Variants in HSPG2 observed in about 807,000 individuals in gnomAD.
HSPG2 encodes basement membrane-specific heparan sulfate proteoglycan core protein.
HSPG2 carries 278 observed loss-of-function variants against 526.6 expected under a neutral mutation model. The ratio of observed to expected loss-of-function variants is 0.53; its 90% confidence interval spans 0.48 to 0.58. The LOEUF (loss-of-function observed/expected upper bound fraction) is 0.58. Ranked by LOEUF, HSPG2 falls within the 20% of genes least tolerant of loss-of-function variation. The pLI is 0.00. For missense variants in HSPG2, 5,354 were observed against 6,099.5 expected, an observed-to-expected ratio of 0.88 and a Z score of 4.07; for synonymous variants, 2,465 against 2,555.4, an observed-to-expected ratio of 0.96 and a Z score of 1.07.
chr1:21,862,583 C>CAAAAAA (rs1164705115), intron 37 of HSPG2, among the ~76,000 whole-genome samples: 1 of 9,294 alleles, frequency 1.1e-4, no homozygotes. Context: ...GACTCCATCT[C>CAAAAAA]AAAAAAAAAA....
At chr1:21,867,571 A>T (rs1040769956) in intron 33 of HSPG2, among the ~76,000 whole-genome samples, 1 of 152,164 alleles carries the variant, frequency 6.6e-6, no homozygotes. Flanking sequence ...AATATAGGAC[A>T]CAAATGGTGA....
Position 21,858,302 on chromosome 1 carries a change from G to GC in HSPG2, c.5294-918dup. On this transcript the variant is annotated intron_variant, in intron 42 of 96. Transcript: ENST00000374695. The surrounding 1 kb of genome is among the most constrained non-coding windows in gnomAD (Gnocchi z 4.2). Reference sequence around the variant, plus strand: ...CCCTTTTCCCTCTGATTCCCATGATGCCCCCTGTCTCTTCCTGCCTCATGG... The same window carrying GC: ...CCCTTTTCCCTCTGATTCCCATGATGCCCCCCTGTCTCTTCCTGCCTCATGG... Among the ~76,000 whole-genome samples, 1 of 152,238 alleles carries GC rather than the reference G, an allele frequency of 6.6e-6. No individual in the cohort carries two copies. Among genetic ancestry groups the GC allele is most frequent in the Admixed American group, 6.5e-5 (1 of 15,302 alleles).
chr1:21,929,220 A>G (rs1463271217), intron 1 of HSPG2, among the ~76,000 whole-genome samples: 1 of 152,196 alleles, frequency 6.6e-6, no homozygotes, highest in African/African-American at 2.4e-5. Context: ...TCTAAGGCAG[A>G]GTCTGCAACT....
At position 21,850,140 on chromosome 1, in the gene HSPG2, G is replaced by A. The variant is rs765923626; in HGVS notation, c.7347C>T (p.Ala2449=). ...VRIESSSSQV[A]EGQTLDLNCL... ...AGTTCAGGTCCAGGGTCTGCCCCTC[G>A]GCCACTTGCGAAGACGATGACTCGA... is the stretch of plus-strand genomic sequence containing the variant. Residue 2449 remains alanine, a synonymous_variant, in exon 57 of 97, where the codon GCC becomes GCT. Coordinates refer to ENST00000374695, the MANE Select transcript of HSPG2 (RefSeq NM_005529.7). 1.1e-5 allele frequency: 18 copies of A among 1,613,400 alleles called. No individual in the cohort carries two copies. Among genetic ancestry groups the A allele is most frequent in the Middle Eastern group, 1.6e-4 (1 of 6,062 alleles).
At position 21,890,520 on chromosome 1, in the gene HSPG2, C is replaced by T. The variant is rs775982367; in HGVS notation, c.355-35G>A. On this transcript the variant is annotated intron_variant, in intron 4 of 96. Transcript: ENST00000374695. The surrounding 1 kb of genome is among the most constrained non-coding windows in gnomAD (Gnocchi z 4.1). ...GACACAGTGCCATCAGCCCCAGAGGCCTTCACCCCATCCTCGGTCCTGCCC... is the reference window on the plus strand; with the variant it reads ...GACACAGTGCCATCAGCCCCAGAGGTCTTCACCCCATCCTCGGTCCTGCCC... The T allele has an allele frequency of 2.5e-5, 40 of 1,612,408 alleles. No individual in the cohort carries two copies. Among genetic ancestry groups the T allele is most frequent in the Admixed American group, 5.0e-5 (3 of 59,996 alleles).
At chr1:21,922,272 G>A (rs1351009003) in intron 1 of HSPG2, among the ~76,000 whole-genome samples, 2 of 152,190 alleles carry the variant, frequency 1.3e-5, no homozygotes, top group Non-Finnish European at 2.9e-5. Context: ...AATCAGTGAT[G>A]AAGCTAGGAT....
chr1:21,840,975 A>T, intron 71 of HSPG2, 126 bp downstream of exon 71: 1 of 820,784 alleles, frequency 1.2e-6, no homozygotes, highest in Non-Finnish European at 2.0e-6. Context: ...ATCCCATCCC[A>T]TTCCTCCCTT....
Position 21,836,795 on chromosome 1 carries a change from C to G in HSPG2, c.10355+7G>C. 10 of 1,550,856 alleles carry G rather than the reference C, an allele frequency of 6.4e-6. No homozygotes were observed. The highest frequency in any genetic ancestry group is 8.7e-6 in the Non-Finnish European group (10 of 1,152,364). On this transcript the variant is annotated splice_region_variant and intron_variant, in intron 75 of 96. Transcript: ENST00000374695. ...CCAAGTCCAGTCCTGCCCCCGGCCC[C>G]ACTCACCGGAGCACCCCATCCTGCA...
Position 21,823,322 on chromosome 1 carries a change from G to A in HSPG2, c.13170C>T (p.Pro4390=), listed in dbSNP as rs1286671612. Residue 4390 remains proline, a synonymous_variant, in exon 97 of 97, where the codon CCC becomes CCT. Transcript: ENST00000374695. ...AQAGANTRPC[P]S ...GTGTGGGGCAGGCAGGTGCCTACGAGGGGCAGGGGCGTGTGTTGGCCCCGG... is the reference window on the plus strand; with the variant it reads ...GTGTGGGGCAGGCAGGTGCCTACGAAGGGCAGGGGCGTGTGTTGGCCCCGG... 1 of 1,532,536 alleles carries A rather than the reference G, an allele frequency of 6.5e-7. No individual in the cohort carries two copies. Among genetic ancestry groups the A allele is most frequent in the South Asian group, 1.2e-5 (1 of 83,574 alleles). 94.9% of individuals were successfully genotyped at this position (1,532,536 alleles called of 1,614,324 possible). A position where few individuals can be genotyped will look rare whatever the true frequency, so the allele number is the denominator to read the frequency against.
At position 21,884,671 on chromosome 1, in the gene HSPG2, G is replaced by A. The variant is rs771259413; in HGVS notation, c.1511C>T (p.Pro504Leu). The A allele has an allele frequency of 2.5e-6, 4 of 1,611,240 alleles. No homozygotes were observed. Among genetic ancestry groups the A allele is most frequent in the Non-Finnish European group, 2.5e-6 (3 of 1,178,952 alleles). Residue 504 changes from proline to leucine, a missense_variant, in exon 13 of 97, where the codon CCC becomes CTC. Physicochemically the swap from Pro to Leu is moderately conservative, Grantham distance 98 (BLOSUM62 -3). Transcript: ENST00000374695. ...GVLELVPQRG[P>L]CPDGHFYLEH... ...CAGGTAGAAGTGGCCGTCAGGGCAGGGGCCTGCTGGGCGGCATGGGCGGGG... is the reference window on the plus strand; with the variant it reads ...CAGGTAGAAGTGGCCGTCAGGGCAGAGGCCTGCTGGGCGGCATGGGCGGGG...
Position 21,834,918 on chromosome 1 carries a change from C to G in HSPG2, c.10481G>C (p.Arg3494Pro). The stretch of plus-strand genomic sequence containing the variant: ...AACCACCACGGTCTGCACAGAGGTC[C>G]GGATGTTGATGAGCACCGAGGGCAG... The part of the protein sequence containing the change: ...QALPSVLINI[R>P]TSVQTVVVGH... Residue 3494 changes from arginine to proline, a missense_variant, in exon 77 of 97, where the codon CGG (arginine) becomes CCG (proline). Coordinates refer to ENST00000374695, the MANE Select transcript of HSPG2 (RefSeq NM_005529.7). The G allele has an allele frequency of 6.2e-7, 1 of 1,613,410 alleles. No homozygotes were observed. Among genetic ancestry groups the G allele is most frequent in the Non-Finnish European group, 8.5e-7 (1 of 1,179,952 alleles).
At chr1:21,862,188 C>G in intron 37 of HSPG2, 73 bp from the exon 38 acceptor site, 1 of 1,550,180 alleles carries the variant, frequency 6.5e-7, no homozygotes, top group Non-Finnish European at 8.8e-7. Context: ...GTTGCAATCC[C>G]TTGATCTAGA....
chr1:21,896,134 C>A (rs375575598), intron 2 of HSPG2, 41 bp downstream of exon 2: 3 of 1,612,280 alleles, frequency 1.9e-6, no homozygotes, highest in East Asian at 2.2e-5. Flanking sequence ...CACAGTCTCA[C>A]CCCCCACCCC....
rs570299669 is a variant in HSPG2 at position 21,851,436 on chromosome 1, G to A, written c.7158+110C>T. 26 of 1,512,314 alleles carry A rather than the reference G, an allele frequency of 1.7e-5. No homozygotes were observed. The South Asian group carries it at 2.8e-4, about 17-fold the overall frequency. The allele number at this position is 1,512,314 out of a possible 1,614,324, so 93.7% of individuals were successfully genotyped here. On this transcript the variant is annotated intron_variant, in intron 55 of 96. Transcript: ENST00000374695. ...CCACTGCACTATACATCTGTGCAAT[G>A]GGGTCCAGGGCTTCCTGATCTCAGG...
chr1:21,831,924 G>A (rs1404500671), intron 81 of HSPG2, 128 bp from the exon 82 acceptor site: 7 of 1,001,330 alleles, frequency 7.0e-6, no homozygotes, highest in African/African-American at 3.2e-5. Context: ...CAGCCCTGGG[G>A]CTGTTCCCGT....
rs1642685457 is a variant in HSPG2, at chr1:21,895,534, T to C, written c.244+388A>G. ...TTCCACAGAGCCCCTCTGTTCCACTTGTCTTTGCCTGGGATCCCCAGCTCT... is the reference window on the plus strand; with the variant it reads ...TTCCACAGAGCCCCTCTGTTCCACTCGTCTTTGCCTGGGATCCCCAGCTCT... On this transcript the variant is annotated intron_variant, in intron 3 of 96. Transcript: ENST00000374695. This position sits in a 1 kb window ranked among gnomAD's most constrained non-coding sequence, Gnocchi z 4.1. Among the ~76,000 whole-genome samples the C allele has an allele frequency of 6.6e-6, 1 of 152,184 alleles. No homozygotes were observed. The highest frequency in any genetic ancestry group is 2.4e-5 in the African/African-American group (1 of 41,452).
chr1:21,891,001 T>C (rs561931104), intron 3 of HSPG2, among the ~76,000 whole-genome samples: 482 of 152,272 alleles, frequency 3.2e-3, no homozygotes, highest in South Asian at 0.015. Flanking sequence ...AAGGGGTGGC[T>C]CCCAGAGGGA....
At chr1:21,852,356 G>C (rs1638968472) in intron 52 of HSPG2, 123 bp from the exon 53 acceptor site, 1 of 1,260,926 alleles carries the variant, frequency 7.9e-7, no homozygotes, top group Non-Finnish European at 1.1e-6. Context: ...TCAGGCATCT[G>C]GGGGCCTGGA....
chr1:21,823,905 C>G (rs1193675955), intron 95 of HSPG2, 186 bp from the exon 96 acceptor site: 1 of 722,926 alleles, frequency 1.4e-6, no homozygotes, highest in African/African-American at 1.7e-5. Flanking sequence ...CATTTCTGCA[C>G]CCAGGTTTCC....
Sources: gnomAD v4.1 joint callset for allele counts (sites outside exome capture counted in the v4.1 genomes callset) on GRCh38, gnomAD v4.1.1 for gene constraint, Gnocchi (gnomAD v3.1) non-coding constraint, MANE v1.5 for transcripts, NCBI Gene and HGNC (gene_info 2026-07-23, HGNC 2026-07-21) for gene names.